SPATA13: variants seen among roughly 807,000 people sequenced by gnomAD.
The protein encoded by SPATA13 is spermatogenesis associated 13.
A neutral mutation model predicts 104.0 loss-of-function variants in SPATA13; 50 were observed. That is an observed-to-expected ratio of 0.48 (90% CI 0.38 to 0.61). The LOEUF (loss-of-function observed/expected upper bound fraction) is 0.61. SPATA13 is among the 20% of genes least tolerant of loss of function. The probability of loss-of-function intolerance (pLI) is 0.00; values close to 1 mark genes in which losing one functional copy is unlikely to be tolerated. For missense variants in SPATA13, 1,524 were observed against 1,690.6 expected (o/e 0.90, Z 1.73); for synonymous variants, 606 against 667.5 (o/e 0.91, Z 1.42).
rs142228427 is a variant in SPATA13 at position 24,278,295 on chromosome 13, T to C, written c.2165-5840T>C. Among the ~76,000 whole-genome samples, 36 of 152,318 alleles carry C rather than the reference T, an allele frequency of 2.4e-4. 1 individual carries two copies. The highest frequency in any genetic ancestry group is 8.7e-4 in the African/African-American group (36 of 41,560). On this transcript the variant is annotated intron_variant, in intron 4 of 12. Coordinates refer to ENST00000382108, the MANE Select transcript of SPATA13 (RefSeq NM_001166271.3). The stretch of plus-strand genomic sequence containing the variant: ...CAGCTGTGTGTTATTGGGACTTGAG[T>C]TTCCTCATCTGCAAGTGGGGACAAC...
chr13:24,237,342 G>A (rs1872620142), intron 2 of SPATA13, among the ~76,000 whole-genome samples: 1 of 152,004 alleles, frequency 6.6e-6, no homozygotes, highest in African/African-American at 2.4e-5. Flanking sequence ...CAATGCTGGC[G>A]GCAGAGTCAG....
chr13:24,071,396 G>T (rs1299174926), intron 3 of SPATA13, among the ~76,000 whole-genome samples: 1 of 152,212 alleles, frequency 6.6e-6, no homozygotes. Context: ...CATTATTGGT[G>T]CAAGGCATTA....
chr13:24,168,216 C>T (rs1474545247), intron 1 of SPATA13, among the ~76,000 whole-genome samples: 1 of 152,148 alleles, frequency 6.6e-6, no homozygotes, highest in East Asian at 1.9e-4. Flanking sequence ...GAGTAAGTGA[C>T]CCATAGCCGG....
chr13:23,982,942 G>A (rs530558972), intron 1 of SPATA13, among the ~76,000 whole-genome samples: 7 of 152,324 alleles, frequency 4.6e-5, no homozygotes, highest in South Asian at 2.1e-4. Context: ...CTGCTCTGCC[G>A]TCTGGGAAGA....
rs1876458701 is a variant in SPATA13 at position 24,011,276 on chromosome 13, T to C, written c.-146-6391T>C. Among the ~76,000 whole-genome samples the C allele has an allele frequency of 2.0e-5, 3 of 152,098 alleles. No individual in the cohort carries two copies. Among genetic ancestry groups the C allele is most frequent in the Admixed American group, 2.0e-4 (3 of 15,276 alleles). On this transcript the variant is annotated intron_variant, in intron 2 of 14. Transcript: ENST00000424834. The surrounding 1 kb of genome is among the most constrained non-coding windows in gnomAD (Gnocchi z 4.3). ...GTGGGCATCCACCCTGAGCACCTGGTTCTAGGAATTTCCCTTCCTTTCATT... is the reference window on the plus strand; with the variant it reads ...GTGGGCATCCACCCTGAGCACCTGGCTCTAGGAATTTCCCTTCCTTTCATT...
chr13:24,010,541 T>C (rs1876427621), intron 2 of SPATA13, among the ~76,000 whole-genome samples: 1 of 152,082 alleles, frequency 6.6e-6, no homozygotes, highest in African/African-American at 2.4e-5. Flanking sequence ...AGCTTGACTT[T>C]TCCCTTGGGC....
intron 2 of SPATA13, among the ~76,000 whole-genome samples, chr13:24,237,299 G>T (rs1872618725): frequency 6.6e-6 from 1 of 152,138 alleles, no homozygotes; most frequent in South Asian, 2.1e-4. Flanking sequence ...GGGGGTGGAG[G>T]TTGCAGTGAG....
intron 4 of SPATA13, among the ~76,000 whole-genome samples, chr13:24,254,627 T>C (rs1593466045): frequency 6.6e-6 from 1 of 152,266 alleles, no homozygotes; most frequent in East Asian, 1.9e-4. Flanking sequence ...AAGTGGCCCT[T>C]CCAGTAGGGA....
chr13:24,099,299 A>G (rs1426914670), intron 3 of SPATA13, among the ~76,000 whole-genome samples: 3 of 152,240 alleles, frequency 2.0e-5, no homozygotes, highest in South Asian at 2.1e-4. Flanking sequence ...GACAAAAAAG[A>G]TGGAATTAAA....
rs144902961 is a variant in SPATA13 at position 24,099,001 on chromosome 13, G to A, written c.-112+81300G>A. 1.1e-3 allele frequency among the ~76,000 whole-genome samples: 174 copies of A among 152,100 alleles called. 2 individuals are homozygous for A. In the East Asian group the frequency reaches 0.033, roughly 29 times the overall value. ...CCTATAATCCCAGCTTCTCAGGAGGGTTGAGCTGAGGAGTTTGAGGCTGCA... is the reference window on the plus strand; with the variant it reads ...CCTATAATCCCAGCTTCTCAGGAGGATTGAGCTGAGGAGTTTGAGGCTGCA... On this transcript the variant is annotated intron_variant, in intron 3 of 14. Transcript: ENST00000424834.
At chr13:24,183,188 A>C (rs577165215) in intron 1 of SPATA13, among the ~76,000 whole-genome samples, 1 of 152,214 alleles carries the variant, frequency 6.6e-6, no homozygotes, top group East Asian at 1.9e-4. Flanking sequence ...TTTTGTTTGC[A>C]TGTTGAGGTG....
intron 3 of SPATA13, among the ~76,000 whole-genome samples, chr13:24,056,834 C>G (rs1440857369): frequency 6.6e-6 from 1 of 151,986 alleles, no homozygotes; most frequent in Admixed American, 6.6e-5. Context: ...CCAATTCTGC[C>G]CCTCACATCG....
intron 1 of SPATA13, among the ~76,000 whole-genome samples, chr13:24,168,328 C>T (rs1336922964): frequency 6.6e-6 from 1 of 152,138 alleles, no homozygotes; most frequent in African/African-American, 2.4e-5. Context: ...TAATGACATA[C>T]ATGAAAAATA....
intron 4 of SPATA13, among the ~76,000 whole-genome samples, chr13:24,281,222 G>A (rs1182683710): frequency 6.6e-6 from 1 of 152,212 alleles, no homozygotes; most frequent in Admixed American, 6.5e-5. Context: ...TTTGTGCTTA[G>A]GCCCGGGAAT....
chr13:24,211,302 T>A (rs184266327), intron 1 of SPATA13, among the ~76,000 whole-genome samples: 1 of 152,302 alleles, frequency 6.6e-6, no homozygotes, highest in African/African-American at 2.4e-5. Context: ...TGAATGGAAG[T>A]GGTGAGAGTG....
intron 1 of SPATA13, among the ~76,000 whole-genome samples, chr13:24,215,558 T>A (rs942978601): frequency 7.2e-5 from 11 of 152,134 alleles, no homozygotes; most frequent in Non-Finnish European, 1.5e-4. Context: ...GGAAACACAT[T>A]TTATGCAAAG....
intron 1 of SPATA13, among the ~76,000 whole-genome samples, chr13:23,982,350 A>T (rs1173957053): frequency 1.3e-5 from 2 of 152,200 alleles, no homozygotes; most frequent in Non-Finnish European, 2.9e-5. Flanking sequence ...TACTGTTAAA[A>T]TTTTATTTTT....
At chr13:24,137,758 C>A (rs536241038) in intron 3 of SPATA13, among the ~76,000 whole-genome samples, 2 of 152,302 alleles carry the variant, frequency 1.3e-5, no homozygotes, top group African/African-American at 4.8e-5. Flanking sequence ...CAGAGTGAGA[C>A]TGTCTCTCCA....
rs200138957 is a variant in SPATA13 at position 24,302,766 on chromosome 13, G to A, written c.3827G>A (p.Arg1276Gln). ...WHTFNRLTPFRK is the reference protein window; with the variant it reads ...WHTFNRLTPFQK Reference sequence around the variant, plus strand: ...ACCTTCAACAGGCTCACCCCCTTCCGGAAATGAAAACAGGAGGCTGTGCTT... The same window carrying A: ...ACCTTCAACAGGCTCACCCCCTTCCAGAAATGAAAACAGGAGGCTGTGCTT... The change falls in exon 13 of 13, where the codon CGG (arginine) becomes CAG (glutamine). Residue 1276 changes from arginine (R) to glutamine (Q), a missense_variant. Transcript: ENST00000382108. 5.2e-5 allele frequency: 84 copies of A among 1,614,088 alleles called. No homozygotes were observed. Among genetic ancestry groups the A allele is most frequent in the Admixed American group, 1.5e-4 (9 of 60,022 alleles).
Sources: gnomAD v4.1 joint callset for allele counts (sites outside exome capture counted in the v4.1 genomes callset) on GRCh38, gnomAD v4.1.1 for gene constraint, Gnocchi (gnomAD v3.1) non-coding constraint, MANE v1.5 for transcripts, NCBI Gene and HGNC (gene_info 2026-07-23, HGNC 2026-07-21) for gene names.